Variants in HNRNPC observed in about 807,000 individuals in gnomAD.
HNRNPC encodes the protein heterogeneous nuclear ribonucleoprotein C, also known as heterogeneous nuclear ribonucleoproteins C1/C2.
HNRNPC carries 3 observed loss-of-function variants against 33.2 expected under a neutral mutation model. The ratio of observed to expected loss-of-function variants is 0.09; its 90% CI spans 0.04 to 0.23. The LOEUF is 0.23. Among genes scored for constraint, HNRNPC ranks in the 10% least tolerant of loss-of-function variants. HNRNPC has a pLI of 1.00. For missense variants in HNRNPC, 143 were observed against 366.7 expected (o/e 0.39, Z 4.98); for synonymous variants, 121 against 126.7 (o/e 0.96, Z 0.30).
intron 5 of HNRNPC, among the ~76,000 whole-genome samples, chr14:21,220,805 TTCTA>T (rs1288744309): frequency 3.3e-5 from 5 of 151,096 alleles, no homozygotes; most frequent in South Asian, 2.1e-4. Flanking sequence ...TACCAAAAAA[TTCTA>T]TCTGTTTTCA....
rs17856245 is a variant in HNRNPC, at chr14:21,211,814, T to C, written c.633A>G (p.Gln211=). Reference sequence around the variant, plus strand: ...GCAAGCAGAAAACCCATTTACCTGCTTGTTTGCTCTGTTCCTTTTCAATTT... The same window carrying C: ...GCAAGCAGAAAACCCATTTACCTGCCTGTTTGCTCTGTTCCTTTTCAATTT... ...LEKIEKEQSK[Q]AVEMKNDKSE... The change falls in exon 7 of 9, where the codon CAA becomes CAG. Residue 211 remains glutamine (Q), a synonymous_variant. Transcript: ENST00000553300. 2 of 1,611,716 alleles carry C rather than the reference T, an allele frequency of 1.2e-6. No individual in the cohort carries two copies. Among genetic ancestry groups the C allele is most frequent in the Non-Finnish European group, 8.5e-7 (1 of 1,179,288 alleles).
rs916334172 is a variant in HNRNPC, at chr14:21,209,294, T to G, written c.*1929A>C. ...GTTCACAGCTAAACAGACTGCTCTG[T>G]GCAGGGAGAGGCCCTACAGTGAAGG... is the stretch of plus-strand genomic sequence containing the variant. On this transcript the variant is annotated 3_prime_UTR_variant, in exon 9 of 9. Coordinates refer to ENST00000553300, the MANE Select transcript of HNRNPC (RefSeq NM_004500.4). 1.3e-5 allele frequency: 2 copies of G among 152,192 alleles called. No individual in the cohort carries two copies. The highest frequency in any genetic ancestry group is 2.4e-5 in the African/African-American group (1 of 41,444). 9.4% of individuals were successfully genotyped at this position (152,192 alleles called of 1,614,324 possible).
chr14:21,260,228 ATAG>A, intron 2 of HNRNPC, among the ~76,000 whole-genome samples: 1 of 149,758 alleles, frequency 6.7e-6, no homozygotes, highest in East Asian at 2.0e-4. Flanking sequence ...TTAGCCGGGC[ATAG>A]TAGCAGGTGC....
At chr14:21,259,548 T>G (rs768678263) in intron 2 of HNRNPC, among the ~76,000 whole-genome samples, 1 of 152,138 alleles carries the variant, frequency 6.6e-6, no homozygotes, top group Non-Finnish European at 1.5e-5. Context: ...CAAACTATAA[T>G]CTGCTCCCTT....
intron 2 of HNRNPC, among the ~76,000 whole-genome samples, chr14:21,260,523 A>G (rs913012246): frequency 6.6e-6 from 1 of 152,058 alleles, no homozygotes; most frequent in African/African-American, 2.4e-5. Context: ...TTTTTTTAAA[A>G]AGAGATGGGG....
At chr14:21,233,854 T>C (rs1894383107) in intron 3 of HNRNPC, 99 bp downstream of exon 3, 1 of 1,415,802 alleles carries the variant, frequency 7.1e-7, no homozygotes, top group Non-Finnish European at 9.6e-7. Flanking sequence ...ATATCCAGAA[T>C]ATCTCATGCT....
intron 5 of HNRNPC, among the ~76,000 whole-genome samples, chr14:21,226,802 C>T (rs1893491650): frequency 6.8e-6 from 1 of 147,962 alleles, no homozygotes; most frequent in African/African-American, 2.5e-5. Flanking sequence ...GTCGCCTGAA[C>T]CCAGGAGGCA....
intron 2 of HNRNPC, among the ~76,000 whole-genome samples, chr14:21,257,928 A>C (rs1446767614): frequency 6.6e-6 from 1 of 152,204 alleles, no homozygotes; most frequent in East Asian, 1.9e-4. Context: ...GTAACATTTT[A>C]CCAAGATACA....
At chr14:21,222,398 T>C (rs1409512397) in intron 5 of HNRNPC, among the ~76,000 whole-genome samples, 2 of 151,690 alleles carry the variant, frequency 1.3e-5, no homozygotes, top group East Asian at 3.9e-4. Flanking sequence ...TTTTTTCCTG[T>C]ACGGATTTGC....
At chr14:21,259,037 A>C (rs1057238007) in intron 2 of HNRNPC, among the ~76,000 whole-genome samples, 3 of 152,170 alleles carry the variant, frequency 2.0e-5, no homozygotes, top group African/African-American at 7.2e-5. Flanking sequence ...ACAGGATCTT[A>C]AACAAGACCC....
rs539550257 is a variant in HNRNPC, at chr14:21,234,684, T to C, written c.-36-455A>G. 1.3e-4 allele frequency: 22 copies of C among 164,212 alleles called. 1 individual carries two copies. The South Asian group carries it at 3.3e-3, about 25-fold the overall frequency. 10.2% of individuals were successfully genotyped at this position (164,212 alleles called of 1,614,324 possible). A position where few individuals can be genotyped will look rare whatever the true frequency, so the allele number is the denominator to read the frequency against. On this transcript the variant is annotated intron_variant, in intron 2 of 8. Coordinates refer to ENST00000553300, the MANE Select transcript of HNRNPC (RefSeq NM_004500.4). ...TGCTTTTATTGAGTTTCACCGGTTC[T>C]GTATATATACACACAGCATAGCAAA...
At chr14:21,231,189 C>T in intron 3 of HNRNPC, 117 bp from the exon 4 acceptor site, 2 of 969,294 alleles carry the variant, frequency 2.1e-6, no homozygotes, top group East Asian at 2.6e-5. Flanking sequence ...GGCTGGAGTG[C>T]AGTGGTGTCA....
chr14:21,214,106 G>A (rs1187061392), intron 5 of HNRNPC, among the ~76,000 whole-genome samples: 1 of 152,122 alleles, frequency 6.6e-6, no homozygotes, highest in East Asian at 1.9e-4. Context: ...GGCAACGTAT[G>A]AAAAGGTCTT....
At chr14:21,218,692 A>AAC (rs1892490250) in intron 5 of HNRNPC, among the ~76,000 whole-genome samples, 2 of 147,852 alleles carry the variant, frequency 1.4e-5, no homozygotes, top group Non-Finnish European at 3.0e-5. Context: ...AAAAAAAAAA[A>AAC]AAAAAAAAAA....
At chr14:21,246,662 G>T (rs1342942709) in intron 2 of HNRNPC, among the ~76,000 whole-genome samples, 1 of 151,984 alleles carries the variant, frequency 6.6e-6, no homozygotes, top group Non-Finnish European at 1.5e-5. Context: ...GGAAAAGAAA[G>T]GAATAATCTG....
At chr14:21,218,869 T>C (rs1566599458) in intron 5 of HNRNPC, among the ~76,000 whole-genome samples, 1 of 151,232 alleles carries the variant, frequency 6.6e-6, no homozygotes, top group Non-Finnish European at 1.5e-5. Flanking sequence ...CCCAGCACTA[T>C]GGGAGGCCGA....
chr14:21,231,008 C>A lies in HNRNPC; in HGVS notation c.306G>T (p.Ala102=), dbSNP rs373493697. ...RGKAGVKRSA[A]EMYGSSFDLD... ...GTTCTGTTACTGACCCGTACATCTC[C>A]GCTGCAGATCGTTTCACACCTGCTT... The change falls in exon 4 of 9, where the codon GCG becomes GCT. Residue 102 remains alanine (A), a synonymous_variant. Coordinates refer to ENST00000553300, the MANE Select transcript of HNRNPC (RefSeq NM_004500.4). 6.2e-7 allele frequency: 1 copy of A among 1,614,174 alleles called. No individual in the cohort carries two copies. Among genetic ancestry groups the A allele is most frequent in the South Asian group, 1.1e-5 (1 of 91,086 alleles).
chr14:21,235,224 T>G (rs1318074871), intron 2 of HNRNPC, among the ~76,000 whole-genome samples: 1 of 152,182 alleles, frequency 6.6e-6, no homozygotes, highest in East Asian at 1.9e-4. Context: ...ACCCCCAATC[T>G]TGAACAAGAT....
chr14:21,248,217 T>C (rs1896216071), intron 2 of HNRNPC, among the ~76,000 whole-genome samples: 2 of 152,174 alleles, frequency 1.3e-5, no homozygotes, highest in Non-Finnish European at 2.9e-5. Context: ...GTAACTTTGT[T>C]GTACTTTTAG....
Sources: gnomAD v4.1 joint callset for allele counts (sites outside exome capture counted in the v4.1 genomes callset) on GRCh38, gnomAD v4.1.1 for gene constraint, MANE v1.5 for transcripts, NCBI Gene and HGNC (gene_info 2026-07-23, HGNC 2026-07-21) for gene names.